Variants in RABGAP1 observed in about 807,000 individuals in gnomAD.
The protein encoded by RABGAP1 is rab GTPase-activating protein 1.
RABGAP1 carries 23 observed loss-of-function variants against 137.6 expected under a neutral mutation model. The observed-to-expected ratio is 0.17, with a 90% CI of 0.12 to 0.24. The LOEUF (loss-of-function observed/expected upper bound fraction) is 0.24, where lower values mean the gene tolerates loss of function less well. Ranked by LOEUF, RABGAP1 falls within the 10% of genes least tolerant of loss-of-function variation. RABGAP1 has a pLI of 1.00. For synonymous variants in RABGAP1, 451 were observed against 450.7 expected, an observed-to-expected ratio of 1.00 and a Z score of -0.01; for missense variants, 906 against 1,275.8, an observed-to-expected ratio of 0.71 and a Z score of 4.42.
intron 1 of RABGAP1, among the ~76,000 whole-genome samples, chr9:122,952,284 AG>A (rs1834294441): frequency 1.3e-5 from 2 of 151,682 alleles, no homozygotes; most frequent in Admixed American, 1.3e-4. Flanking sequence ...TTTGAGACAG[AG>A]TCTCGCTCTG....
chr9:123,037,733 G>A (rs1426577665), intron 13 of RABGAP1, among the ~76,000 whole-genome samples: 1 of 151,936 alleles, frequency 6.6e-6, no homozygotes, highest in African/African-American at 2.4e-5. Context: ...TGTTGTGTGT[G>A]TATGTGTTGG....
intron 21 of RABGAP1, among the ~76,000 whole-genome samples, chr9:123,092,375 G>C (rs1285443416): frequency 6.6e-6 from 1 of 152,178 alleles, no homozygotes; most frequent in Admixed American, 6.5e-5. Flanking sequence ...GTGGTGCTAG[G>C]CACTATGATA....
intron 13 of RABGAP1, among the ~76,000 whole-genome samples, chr9:123,045,704 A>G (rs191736102): frequency 6.6e-5 from 10 of 152,266 alleles, no homozygotes; most frequent in African/African-American, 2.2e-4. Flanking sequence ...TAAAGTTGTC[A>G]CTGTGATTAC....
intron 2 of RABGAP1, among the ~76,000 whole-genome samples, chr9:122,969,129 C>G (rs1373462333): frequency 2.0e-5 from 3 of 152,096 alleles, no homozygotes; most frequent in Non-Finnish European, 4.4e-5. Context: ...TTTATTGTAC[C>G]TTTTCTGTGT....
chr9:123,064,305 C>T (rs1328982724), intron 13 of RABGAP1, among the ~76,000 whole-genome samples: 2 of 152,184 alleles, frequency 1.3e-5, no homozygotes, highest in Non-Finnish European at 2.9e-5. Context: ...GCCACTAAAG[C>T]TCTTTGAAAA....
At chr9:123,074,528 C>A in intron 17 of RABGAP1, 100 bp downstream of exon 17, 1 of 1,285,190 alleles carries the variant, frequency 7.8e-7, no homozygotes, top group South Asian at 1.6e-5. Flanking sequence ...CAGAATTGGT[C>A]TCTTTAATTA....
In RABGAP1 at chr9:123,020,319, T is replaced by C; in HGVS notation, c.1654T>C (p.Leu552=). 3 of 1,570,910 alleles carry C rather than the reference T, an allele frequency of 1.9e-6. No individual in the cohort carries two copies. The highest frequency in any genetic ancestry group is 2.6e-6 in the Non-Finnish European group (3 of 1,155,510). Reference sequence around the variant, plus strand: ...TGGCCTTATTTTTAGGCATCTCAACTTGAATGTGAGACCGAAGCAGTTGTC... The same window carrying C: ...TGGCCTTATTTTTAGGCATCTCAACCTGAATGTGAGACCGAAGCAGTTGTC... The part of the protein sequence containing the change: ...GELLSKWHLN[L]NVRPKQLSSL... The change falls in exon 13 of 26, where the codon TTG becomes CTG. Residue 552 remains leucine, a synonymous_variant. Transcript: ENST00000373647.
At chr9:122,983,420 A>G (rs1836190378) in intron 2 of RABGAP1, among the ~76,000 whole-genome samples, 1 of 152,188 alleles carries the variant, frequency 6.6e-6, no homozygotes, top group Non-Finnish European at 1.5e-5. Flanking sequence ...AAATGTCCGC[A>G]AAAAAGACTT....
Position 123,073,644 on chromosome 9 carries a change from T to C in RABGAP1, c.2076T>C (p.His692=). 2 of 1,613,892 alleles carry C rather than the reference T, an allele frequency of 1.2e-6. No homozygotes were observed. Among genetic ancestry groups the C allele is most frequent in the Non-Finnish European group, 1.7e-6 (2 of 1,179,838 alleles). ...TCAAGCAAAACTTCGAAGATTTGCA[T>C]TGCAAATTTTACCAGTTGGAGCGCC... The part of the protein sequence containing the change: ...ELFKQNFEDL[H]CKFYQLERLM... The change falls in exon 16 of 26, where the codon CAT becomes CAC. Residue 692 remains histidine (H), a synonymous_variant. Transcript: ENST00000373647.
intron 13 of RABGAP1, chr9:123,035,342 G>A: frequency 6.2e-7 from 1 of 1,614,128 alleles, no homozygotes; most frequent in South Asian, 1.1e-5. Context: ...CGAATCACTA[G>A]TGTATTTTAC....
At chr9:122,970,582 GT>G in intron 2 of RABGAP1, among the ~76,000 whole-genome samples, 1 of 152,202 alleles carries the variant, frequency 6.6e-6, no homozygotes, top group Non-Finnish European at 1.5e-5. Flanking sequence ...CCAATAGATA[GT>G]TTTTTCAACC....
intron 1 of RABGAP1, among the ~76,000 whole-genome samples, chr9:122,950,939 GT>G (rs2131602566): frequency 6.6e-6 from 1 of 152,264 alleles, no homozygotes; most frequent in African/African-American, 2.4e-5. Flanking sequence ...AAGGATAAGA[GT>G]TTCAGAATAA....
chr9:123,065,573 A>G, intron 14 of RABGAP1, 112 bp downstream of exon 14: 5 of 820,822 alleles, frequency 6.1e-6, no homozygotes, highest in South Asian at 1.5e-5. Flanking sequence ...AAGAATTCCA[A>G]AAAGAGAAAA....
chr9:122,934,402 T>C, the RABGAP1 span, among the ~76,000 whole-genome samples: 1 of 152,184 alleles, frequency 6.6e-6, no homozygotes, highest in Non-Finnish European at 1.5e-5. Flanking sequence ...TTCAATCTAT[T>C]TGTGTCTTTG....
At chr9:123,102,665 T>A (rs2035377565) in intron 25 of RABGAP1, among the ~76,000 whole-genome samples, 1 of 152,092 alleles carries the variant, frequency 6.6e-6, no homozygotes, top group East Asian at 1.9e-4. Context: ...GGAAGGACCC[T>A]CAGGAGTTCT....
At chr9:122,963,694 G>T (rs10818773) in intron 2 of RABGAP1, among the ~76,000 whole-genome samples, 1 of 151,948 alleles carries the variant, frequency 6.6e-6, no homozygotes, top group Admixed American at 6.5e-5. Flanking sequence ...ATATCCTAAC[G>T]TTCCACCTTA....
chr9:123,098,910 A>C, intron 23 of RABGAP1, 112 bp downstream of exon 23: 1 of 616,626 alleles, frequency 1.6e-6, no homozygotes, highest in Non-Finnish European at 2.8e-6. Context: ...CTGGTTTCAG[A>C]TCCTGGCTCT....
intron 13 of RABGAP1, chr9:123,035,361 G>T: frequency 6.2e-7 from 1 of 1,614,084 alleles, no homozygotes; most frequent in Non-Finnish European, 8.5e-7. Flanking sequence ...ACATCCTCTG[G>T]TTGCCATATA....
chr9:123,003,970 G>A (rs931478953), intron 10 of RABGAP1, among the ~76,000 whole-genome samples: 2 of 152,190 alleles, frequency 1.3e-5, no homozygotes, highest in African/African-American at 4.8e-5. Context: ...GAAAGACTAA[G>A]TGGTATGGCC....
Sources: allele counts gnomAD v4.1 joint callset (sites outside exome capture counted in the v4.1 genomes callset), GRCh38; gene constraint gnomAD v4.1.1; transcripts MANE v1.5; gene names NCBI Gene and HGNC (gene_info 2026-07-23, HGNC 2026-07-21).